KCNMB2: variants seen among roughly 807,000 people sequenced by gnomAD.
KCNMB2 encodes calcium-activated potassium channel subunit beta-2.
In KCNMB2, 9 loss-of-function variants were observed where a neutral mutation model predicts 24.5. That is an observed-to-expected ratio of 0.37 (90% CI 0.22 to 0.64). The LOEUF (loss-of-function observed/expected upper bound fraction) is 0.64. KCNMB2 is among the 30% of genes least tolerant of loss of function. The pLI, the probability that KCNMB2 is intolerant of heterozygous loss-of-function variation, is 0.63. For synonymous variants in KCNMB2, 109 were observed against 104.4 expected, an observed-to-expected ratio of 1.04 and a Z score of -0.27; for missense variants, 226 against 284.3, an observed-to-expected ratio of 0.79 and a Z score of 1.47.
chr3:178,792,669 C>T (rs1713370608), intron 1 of KCNMB2, among the ~76,000 whole-genome samples: 1 of 152,234 alleles, frequency 6.6e-6, no homozygotes, highest in East Asian at 1.9e-4. Context: ...CTGTTGCCTA[C>T]AAGGAACACA....
chr3:178,796,993 A>T (rs1261633816), intron 1 of KCNMB2, among the ~76,000 whole-genome samples: 1 of 152,080 alleles, frequency 6.6e-6, no homozygotes, highest in Non-Finnish European at 1.5e-5. Context: ...AAAAACCATT[A>T]GCCAGACTAA....
intron 1 of KCNMB2, among the ~76,000 whole-genome samples, chr3:178,713,874 T>A (rs1020522167): frequency 6.6e-6 from 1 of 152,176 alleles, no homozygotes; most frequent in African/African-American, 2.4e-5. Context: ...AGCTCCCAAG[T>A]AATATAGCCC....
At chr3:178,620,399 T>C (rs990388979) in intron 1 of KCNMB2, among the ~76,000 whole-genome samples, 25 of 152,194 alleles carry the variant, frequency 1.6e-4, no homozygotes, top group African/African-American at 5.8e-4. Context: ...ATTAAGCTTC[T>C]GTAACAAAAT....
At chr3:178,694,761 G>A (rs1451910359) in intron 1 of KCNMB2, among the ~76,000 whole-genome samples, 15 of 152,182 alleles carry the variant, frequency 9.9e-5, no homozygotes, top group Admixed American at 9.8e-4. Context: ...GAACAGTTCT[G>A]CCCATGTGGC....
chr3:178,649,786 C>T (rs142412266), intron 1 of KCNMB2, among the ~76,000 whole-genome samples: 1 of 151,016 alleles, frequency 6.6e-6, no homozygotes, highest in East Asian at 1.9e-4. Context: ...GGCTAGCAGT[C>T]TATTTTGTTA....
intron 1 of KCNMB2, among the ~76,000 whole-genome samples, chr3:178,789,506 AG>A (rs1221386984): frequency 6.6e-6 from 1 of 152,240 alleles, no homozygotes; most frequent in Non-Finnish European, 1.5e-5. Flanking sequence ...CGCATTGAAA[AG>A]GGTAGGAAAA....
intron 1 of KCNMB2, among the ~76,000 whole-genome samples, chr3:178,750,106 C>T (rs929240850): frequency 1.3e-5 from 2 of 152,046 alleles, no homozygotes; most frequent in African/African-American, 4.8e-5. Flanking sequence ...GATGTGGGAA[C>T]TCTTTCCTTA....
chr3:178,779,858 T>C (rs1712749894), intron 1 of KCNMB2, among the ~76,000 whole-genome samples: 1 of 152,150 alleles, frequency 6.6e-6, no homozygotes, highest in South Asian at 2.1e-4. Flanking sequence ...AATTCTACTA[T>C]ACCATCCTCA....
intron 4 of KCNMB2, among the ~76,000 whole-genome samples, chr3:178,833,193 G>C (rs1715106255): frequency 6.6e-6 from 1 of 152,110 alleles, no homozygotes; most frequent in Admixed American, 6.6e-5. Flanking sequence ...CCAGGATGCA[G>C]CCCTTCAGAA....
intron 1 of KCNMB2, among the ~76,000 whole-genome samples, chr3:178,587,575 C>T (rs1232690405): frequency 6.6e-6 from 1 of 151,094 alleles, no homozygotes; most frequent in South Asian, 2.1e-4. Context: ...AGGCATGTGC[C>T]GCCACACCCG....
intron 1 of KCNMB2, among the ~76,000 whole-genome samples, chr3:178,584,451 G>C (rs1328639744): frequency 8.1e-6 from 1 of 123,922 alleles, no homozygotes; most frequent in South Asian, 2.9e-4. Context: ...CTCTCCAAAA[G>C]AAAAAGTTTG....
intron 4 of KCNMB2, among the ~76,000 whole-genome samples, chr3:178,829,753 C>T (rs867847480): frequency 6.6e-6 from 1 of 152,100 alleles, no homozygotes; most frequent in Non-Finnish European, 1.5e-5. Flanking sequence ...ATCACTACAG[C>T]CCTGTGAATG....
intron 1 of KCNMB2, among the ~76,000 whole-genome samples, chr3:178,619,287 A>C (rs957273715): frequency 6.6e-6 from 1 of 152,208 alleles, no homozygotes; most frequent in Non-Finnish European, 1.5e-5. Flanking sequence ...CTCTAAGAAT[A>C]AATGTCAGAA....
intron 2 of KCNMB2, among the ~76,000 whole-genome samples, chr3:178,809,729 T>G (rs1197168745): frequency 6.6e-6 from 1 of 152,228 alleles, no homozygotes; most frequent in Non-Finnish European, 1.5e-5. Flanking sequence ...TTTGTGGAGT[T>G]TGAAAGGTGT....
intron 1 of KCNMB2, among the ~76,000 whole-genome samples, chr3:178,631,613 G>C (rs1003919397): frequency 1.3e-5 from 2 of 152,310 alleles, no homozygotes; most frequent in East Asian, 3.9e-4. Flanking sequence ...ATGAATAATT[G>C]TTCCTTGACT....
At chr3:178,759,605 GGATA>G (rs1380840901) in intron 1 of KCNMB2, among the ~76,000 whole-genome samples, 6 of 118,564 alleles carry the variant, frequency 5.1e-5, no homozygotes, top group Admixed American at 8.7e-5. Context: ...CTCTCCAAGA[GGATA>G]TATATACATA....
intron 1 of KCNMB2, among the ~76,000 whole-genome samples, chr3:178,688,666 A>G (rs886796343): frequency 6.6e-6 from 1 of 152,186 alleles, no homozygotes; most frequent in African/African-American, 2.4e-5. Context: ...AGAAAACCCT[A>G]AAGATAGACT....
At chr3:178,578,587 T>C (rs1717077306) in intron 1 of KCNMB2, among the ~76,000 whole-genome samples, 1 of 152,028 alleles carries the variant, frequency 6.6e-6, no homozygotes, top group African/African-American at 2.4e-5. Flanking sequence ...GACTGGCAAA[T>C]TGGATAAAAA....
In KCNMB2 at chr3:178,633,472, G is replaced by A. The variant is rs542712774; in HGVS notation, c.-68+96761G>A. The stretch of plus-strand genomic sequence containing the variant: ...TGAACACCACATGGCACCTGCCAAG[G>A]CTTGGGGCTCACACCCTCTGAAGCC... On this transcript the variant is annotated intron_variant, in intron 1 of 4. Transcript: ENST00000452583. 1.7e-4 allele frequency among the ~76,000 whole-genome samples: 26 copies of A among 152,350 alleles called. No individual in the cohort carries two copies. The East Asian group carries it at 5.0e-3, about 29-fold the overall frequency.
Sources: gnomAD v4.1 joint callset for allele counts (sites outside exome capture counted in the v4.1 genomes callset) on GRCh38, gnomAD v4.1.1 for gene constraint, MANE v1.5 for transcripts, NCBI Gene and HGNC (gene_info 2026-07-23, HGNC 2026-07-21) for gene names.